The following C1QTNF3 variants were observed in gnomAD, a reference collection of about 807,000 sequenced individuals.
C1QTNF3 encodes the protein C1q and TNF related 3, also known as complement C1q tumor necrosis factor-related protein 3.
In C1QTNF3, 26 loss-of-function variants were observed where a neutral mutation model predicts 32.6. That is an observed-to-expected ratio of 0.80 (90% CI 0.58 to 1.11). C1QTNF3 has a LOEUF of 1.11. Ranked by LOEUF, C1QTNF3 falls within the 50% of genes least tolerant of loss-of-function variation. C1QTNF3 has a pLI of 0.00. For synonymous variants in C1QTNF3, 155 were observed against 146.0 expected (o/e 1.06, Z -0.44); for missense variants, 362 against 398.2 (o/e 0.91, Z 0.77).
At chr5:34,220,493 T>TACACAC in the C1QTNF3 span, among the ~76,000 whole-genome samples, 11 of 145,774 alleles carry the variant, frequency 7.5e-5, no homozygotes, top group African/African-American at 2.5e-4. Context: ...TCAGTTAGCA[T>TACACAC]ACACACACAC....
At chr5:34,160,248 C>T in the C1QTNF3 span, among the ~76,000 whole-genome samples, 1 of 152,168 alleles carries the variant, frequency 6.6e-6, no homozygotes, top group Non-Finnish European at 1.5e-5. Flanking sequence ...AAGGACAGAA[C>T]ACCTGTCTAA....
At chr5:34,159,257 CAAT>C in the C1QTNF3 span, among the ~76,000 whole-genome samples, 3 of 151,930 alleles carry the variant, frequency 2.0e-5, no homozygotes, top group Non-Finnish European at 4.4e-5. Flanking sequence ...AAAAAACATA[CAAT>C]AATAGCAAAC....
At chr5:34,117,568 G>T in the C1QTNF3 span, among the ~76,000 whole-genome samples, 162 of 151,938 alleles carry the variant, frequency 1.1e-3, 1 homozygote, top group African/African-American at 3.7e-3. Flanking sequence ...GGCCGAGGTG[G>T]GCGGATCACT....
chr5:34,144,107 A>G, the C1QTNF3 span, among the ~76,000 whole-genome samples: 35 of 152,356 alleles, frequency 2.3e-4, no homozygotes, highest in African/African-American at 7.7e-4. Flanking sequence ...GACAAAAAAA[A>G]AGAGCAAGAA....
At chr5:34,073,322 G>A in the C1QTNF3 span, among the ~76,000 whole-genome samples, 1 of 145,068 alleles carries the variant, frequency 6.9e-6, no homozygotes, top group African/African-American at 2.6e-5. Context: ...GCGAGACTCC[G>A]TCTCAAAAAA....
At chr5:34,188,530 G>A in the C1QTNF3 span, among the ~76,000 whole-genome samples, 1,430 of 149,156 alleles carry the variant, frequency 9.6e-3, no homozygotes, top group African/African-American at 0.036. Context: ...TGTGACACAT[G>A]GAGTCAAAGG....
the C1QTNF3 span, among the ~76,000 whole-genome samples, chr5:34,067,064 C>G: frequency 6.6e-6 from 1 of 152,212 alleles, no homozygotes; most frequent in Non-Finnish European, 1.5e-5. Context: ...CCATCAGTCT[C>G]TTTGCTAAAA....
chr5:34,195,951 C>T, the C1QTNF3 span, among the ~76,000 whole-genome samples: 1,691 of 152,238 alleles, frequency 0.011, no homozygotes, highest in African/African-American at 0.039. Context: ...GAGAATAGAG[C>T]CCCTGTGGTG....
At chr5:34,210,561 A>G in the C1QTNF3 span, among the ~76,000 whole-genome samples, 1 of 151,896 alleles carries the variant, frequency 6.6e-6, no homozygotes, top group African/African-American at 2.4e-5. Flanking sequence ...TGGAGTTAAA[A>G]CAACAAAGCT....
the C1QTNF3 span, among the ~76,000 whole-genome samples, chr5:34,147,915 C>T: frequency 4.6e-5 from 7 of 152,262 alleles, no homozygotes; most frequent in African/African-American, 9.6e-5. Flanking sequence ...ACGCAGAAGA[C>T]GGTGATTTCT....
the C1QTNF3 span, among the ~76,000 whole-genome samples, chr5:34,073,257 G>A: frequency 1.3e-5 from 2 of 151,858 alleles, no homozygotes; most frequent in African/African-American, 4.8e-5. Flanking sequence ...AACCTGGGAG[G>A]TGGAGCTTGC....
the C1QTNF3 span, among the ~76,000 whole-genome samples, chr5:34,138,348 A>G: frequency 3.2e-4 from 49 of 152,322 alleles, no homozygotes; most frequent in Middle Eastern, 0.01. Context: ...ATATACAGAT[A>G]ATAATATATA....
the C1QTNF3 span, among the ~76,000 whole-genome samples, chr5:34,092,485 T>C: frequency 6.7e-6 from 1 of 149,336 alleles, no homozygotes; most frequent in Non-Finnish European, 1.5e-5. Flanking sequence ...TTATACTTAT[T>C]AAACACTTTA....
At position 34,019,925 on chromosome 5, in the gene C1QTNF3, C is replaced by G. The variant is rs6546; in HGVS notation, c.*658G>C. 65,542 of 152,140 alleles carry G rather than the reference C, an allele frequency of 0.43. 14,880 individuals are homozygous for G. The highest frequency in any genetic ancestry group is 0.65 in the South Asian group (3,134 of 4,826). The allele number at this position is 152,140 out of a possible 1,614,324, so 9.4% of individuals were successfully genotyped here. A position where few individuals can be genotyped will look rare whatever the true frequency, so the allele number is the denominator to read the frequency against. ...AATAGTGAACCTCAACCTCCTGACC[C>G]CACATCCGAAGTTGGGGGCGATGTG... On this transcript the variant is annotated 3_prime_UTR_variant, in exon 6 of 6. Coordinates refer to ENST00000382065, the MANE Select transcript of C1QTNF3 (RefSeq NM_181435.6).
the C1QTNF3 span, among the ~76,000 whole-genome samples, chr5:34,140,082 A>G: frequency 1.3e-5 from 2 of 152,216 alleles, no homozygotes; most frequent in Non-Finnish European, 2.9e-5. Flanking sequence ...AATGGAAGCT[A>G]TAGCCATTGA....
the C1QTNF3 span, among the ~76,000 whole-genome samples, chr5:34,183,132 C>T: frequency 1.3e-5 from 2 of 152,258 alleles, no homozygotes; most frequent in East Asian, 3.9e-4. Flanking sequence ...GCACCTGCCA[C>T]CACATCCAGC....
chr5:34,172,530 A>G, the C1QTNF3 span, among the ~76,000 whole-genome samples: 1 of 152,050 alleles, frequency 6.6e-6, no homozygotes, highest in Non-Finnish European at 1.5e-5. Flanking sequence ...TCCCTGTGTA[A>G]CTCCAGGCAA....
chr5:34,215,202 T>C, the C1QTNF3 span, among the ~76,000 whole-genome samples: 2 of 152,180 alleles, frequency 1.3e-5, no homozygotes, highest in Admixed American at 1.3e-4. Context: ...TTACTTCACT[T>C]AAATTTTAGC....
At chr5:34,074,272 G>C in the C1QTNF3 span, among the ~76,000 whole-genome samples, 1 of 151,736 alleles carries the variant, frequency 6.6e-6, no homozygotes, top group Non-Finnish European at 1.5e-5. Context: ...GTTAGGTCTT[G>C]TCGTTATGCT....
Sources: allele counts gnomAD v4.1 joint callset (sites outside exome capture counted in the v4.1 genomes callset), GRCh38; gene constraint gnomAD v4.1.1; transcripts MANE v1.5; gene names NCBI Gene and HGNC (gene_info 2026-07-23, HGNC 2026-07-21).